KIF5C: variants seen among roughly 807,000 people sequenced by gnomAD.
KIF5C encodes kinesin heavy chain isoform 5C.
KIF5C carries 18 observed loss-of-function variants against 125.2 expected under a neutral mutation model. That is an observed-to-expected ratio of 0.14 (90% CI 0.10 to 0.21). KIF5C has a LOEUF of 0.21. KIF5C is among the 10% of genes least tolerant of loss of function. KIF5C has a pLI of 1.00. For synonymous variants in KIF5C, 405 were observed against 434.0 expected (o/e 0.93, Z 0.83); for missense variants, 780 against 1,183.8 (o/e 0.66, Z 5.01).
chr2:148,899,260 A>C (rs1349883535), intron 1 of KIF5C, among the ~76,000 whole-genome samples: 1 of 152,208 alleles, frequency 6.6e-6, no homozygotes, highest in Non-Finnish European at 1.5e-5. Flanking sequence ...TTTTTGTTTC[A>C]AGACTACTTG....
At chr2:149,010,007 T>C (rs1393247790) in intron 23 of KIF5C, 128 bp from the exon 24 acceptor site, 1 of 1,399,016 alleles carries the variant, frequency 7.1e-7, no homozygotes, top group African/African-American at 1.5e-5. Flanking sequence ...TTTCTGTGGT[T>C]GTACGGAGTG....
At chr2:148,938,885 C>G (rs1022262827) in intron 4 of KIF5C, among the ~76,000 whole-genome samples, 1 of 151,260 alleles carries the variant, frequency 6.6e-6, no homozygotes, top group African/African-American at 2.4e-5. Flanking sequence ...CAGGAGTTCA[C>G]GACCAGCCTG....
At chr2:148,889,588 A>G (rs961622860) in intron 1 of KIF5C, among the ~76,000 whole-genome samples, 1 of 152,214 alleles carries the variant, frequency 6.6e-6, no homozygotes, top group Non-Finnish European at 1.5e-5. Context: ...ATTGCATTGG[A>G]TGAACTTCAG....
intron 11 of KIF5C, 70 bp downstream of exon 11, chr2:148,962,189 A>C: frequency 6.7e-7 from 1 of 1,487,796 alleles, no homozygotes; most frequent in South Asian, 1.4e-5. Flanking sequence ...TTTTTGAGAC[A>C]GAGTCTCTCT....
At chr2:148,928,572 C>T (rs895698539) in intron 2 of KIF5C, among the ~76,000 whole-genome samples, 3 of 152,254 alleles carry the variant, frequency 2.0e-5, no homozygotes, top group South Asian at 2.1e-4. Flanking sequence ...GATGTGGCAC[C>T]GACCTGCAGT....
In KIF5C at chr2:148,973,463, G is replaced by A. The variant is rs748248274; in HGVS notation, c.1245G>A (p.Glu415=). The A allele has an allele frequency of 2.5e-6, 4 of 1,613,308 alleles. No homozygotes were observed. Among genetic ancestry groups the A allele is most frequent in the African/African-American group, 1.3e-5 (1 of 74,914 alleles). ...VVAGISTEEK[E]KYDEEISSLY... ...CTGGCATCTCTACAGAGGAGAAAGA[G>A]AAGTACGATGAGGAGATCTCCAGTC... is the stretch of plus-strand genomic sequence containing the variant. The change falls in exon 12 of 26, where the codon GAG becomes GAA. Residue 415 remains glutamate, a synonymous_variant. Transcript: ENST00000435030.
chr2:148,891,274 C>T (rs1681701629), intron 1 of KIF5C, among the ~76,000 whole-genome samples: 1 of 152,098 alleles, frequency 6.6e-6, no homozygotes, highest in Non-Finnish European at 1.5e-5. Context: ...GTAATTTATT[C>T]AGGAAAGTGA....
At position 148,941,880 on chromosome 2, in the gene KIF5C, TAG is replaced by T. The variant is rs1021778756; in HGVS notation, c.446-52_446-51del. On this transcript the variant is annotated intron_variant, in intron 5 of 25. Coordinates refer to ENST00000435030, the MANE Select transcript of KIF5C (RefSeq NM_004522.3). ...ACAAACTTCCATTTTTCCTCCAATATAGAGTCTTTAACTTTTATTTTCTTCTT... is the reference window on the plus strand; with the variant it reads ...ACAAACTTCCATTTTTCCTCCAATATAGTCTTTAACTTTTATTTTCTTCTT... The T allele has an allele frequency of 6.9e-4, 1,102 of 1,589,014 alleles. 7 individuals carry two copies. In the African/African-American group the frequency reaches 0.013, roughly 19 times the overall value.
chr2:148,955,737 C>G (rs912806247), intron 10 of KIF5C, among the ~76,000 whole-genome samples: 5 of 152,114 alleles, frequency 3.3e-5, no homozygotes, highest in Admixed American at 2.0e-4. Flanking sequence ...ATGCTATACT[C>G]TCTATCCTCT....
intron 7 of KIF5C, among the ~76,000 whole-genome samples, chr2:148,945,351 A>G (rs1682496776): frequency 6.6e-6 from 1 of 152,098 alleles, no homozygotes; most frequent in Admixed American, 6.5e-5. Flanking sequence ...TATTTTTTGC[A>G]TGTAGCTATC....
intron 10 of KIF5C, among the ~76,000 whole-genome samples, chr2:148,956,510 G>A (rs938952538): frequency 6.6e-6 from 1 of 152,102 alleles, no homozygotes; most frequent in Non-Finnish European, 1.5e-5. Flanking sequence ...TAAAAAATTT[G>A]GTCCTGGTTC....
At chr2:148,975,170 G>A (rs924292489) in intron 12 of KIF5C, among the ~76,000 whole-genome samples, 1 of 152,322 alleles carries the variant, frequency 6.6e-6, no homozygotes, top group African/African-American at 2.4e-5. Flanking sequence ...GCTGAGAGAC[G>A]TGGGAGAGGA....
rs753096730 is a variant in KIF5C, at chr2:148,949,804, C to T, written c.715-35C>T. On this transcript the variant is annotated intron_variant, in intron 8 of 25. Transcript: ENST00000435030. ...ATTTCTACTTTGTGCTTCTGCCGTC[C>T]TGTGCTGCTCACTGCTTTCTTTTCT... The T allele has an allele frequency of 8.1e-6, 13 of 1,609,154 alleles. No homozygotes were observed. The South Asian group carries it at 1.4e-4, about 18-fold the overall frequency.
chr2:148,933,870 A>G (rs1344007470), intron 3 of KIF5C, among the ~76,000 whole-genome samples: 1 of 151,346 alleles, frequency 6.6e-6, no homozygotes, highest in East Asian at 1.9e-4. Context: ...ACCATAATAT[A>G]CACACAGACA....
chr2:148,915,079 G>A (rs1425175092), intron 1 of KIF5C, among the ~76,000 whole-genome samples: 1 of 152,200 alleles, frequency 6.6e-6, no homozygotes, highest in Non-Finnish European at 1.5e-5. Context: ...AGATAAATGG[G>A]AAGGTAGGTA....
At chr2:148,963,316 G>C (rs948932304) in intron 11 of KIF5C, among the ~76,000 whole-genome samples, 2 of 152,126 alleles carry the variant, frequency 1.3e-5, no homozygotes, top group African/African-American at 4.8e-5. Context: ...AGGAGCCCGG[G>C]GGCTGTTGTG....
Position 149,005,392 on chromosome 2 carries a change from G to A in KIF5C, c.2374-1G>A. The A allele has an allele frequency of 6.2e-7, 1 of 1,613,448 alleles. No individual in the cohort carries two copies. Among genetic ancestry groups the A allele is most frequent in the Non-Finnish European group, 8.5e-7 (1 of 1,179,686 alleles). On this transcript the variant is annotated splice_acceptor_variant, in intron 21 of 25. Coordinates refer to ENST00000435030, the MANE Select transcript of KIF5C (RefSeq NM_004522.3). LOFTEE classifies it high-confidence loss of function. ...AAGTGGCCTTTAAAAATCTCTTCCA[G>A]TCTAGAGAATTGCAGACACTGCACA... is the stretch of plus-strand genomic sequence containing the variant.
chr2:148,942,899 C>T (rs1682440154), intron 7 of KIF5C, 139 bp downstream of exon 7: 4 of 1,446,572 alleles, frequency 2.8e-6, no homozygotes, highest in Non-Finnish European at 1.9e-6. Context: ...GACACAGACG[C>T]CAGGGTATGT....
chr2:148,965,581 G>A (rs976288768), intron 11 of KIF5C, among the ~76,000 whole-genome samples: 2 of 152,166 alleles, frequency 1.3e-5, no homozygotes, highest in Non-Finnish European at 2.9e-5. Flanking sequence ...CATGGAGGGG[G>A]CAGAGCTACC....
Sources: allele counts gnomAD v4.1 joint callset (sites outside exome capture counted in the v4.1 genomes callset), GRCh38; gene constraint gnomAD v4.1.1; transcripts MANE v1.5; gene names NCBI Gene and HGNC (gene_info 2026-07-23, HGNC 2026-07-21).